The following CREB5 variants were observed in gnomAD, a reference collection of about 807,000 sequenced individuals.
CREB5 encodes cAMP responsive element binding protein 5.
CREB5 carries 19 observed loss-of-function variants against 57.1 expected under a neutral mutation model. That is an observed-to-expected ratio of 0.33 (90% confidence interval 0.23 to 0.49). The LOEUF (loss-of-function observed/expected upper bound fraction) is 0.49. CREB5 is among the 20% of genes least tolerant of loss of function. CREB5 has a pLI of 0.99. For missense variants in CREB5, 579 were observed against 671.6 expected, an observed-to-expected ratio of 0.86 and a Z score of 1.52; for synonymous variants, 238 against 238.3, an observed-to-expected ratio of 1.00 and a Z score of 0.01.
intron 1 of CREB5, among the ~76,000 whole-genome samples, chr7:28,404,117 T>C (rs960944360): frequency 2.6e-5 from 4 of 152,228 alleles, no homozygotes; most frequent in Admixed American, 2.6e-4. Context: ...ATTTCACTTC[T>C]TGATGTGCAC....
intron 5 of CREB5, among the ~76,000 whole-genome samples, chr7:28,686,972 G>T (rs1252789387): frequency 6.6e-6 from 1 of 151,846 alleles, no homozygotes; most frequent in Non-Finnish European, 1.5e-5. Context: ...ATGGTGTGGT[G>T]GTTGGTTGGG....
At chr7:28,558,338 T>A (rs988632980) in intron 4 of CREB5, among the ~76,000 whole-genome samples, 1 of 152,232 alleles carries the variant, frequency 6.6e-6, no homozygotes, top group African/African-American at 2.4e-5. Flanking sequence ...GAATTAACAC[T>A]GATCATTAGA....
chr7:28,481,302 G>A (rs969081262), intron 1 of CREB5, among the ~76,000 whole-genome samples: 1 of 152,198 alleles, frequency 6.6e-6, no homozygotes, highest in African/African-American at 2.4e-5. Context: ...AGGATTCTGA[G>A]CTTTTGGGAT....
At chr7:28,766,653 A>G (rs951301339) in intron 7 of CREB5, among the ~76,000 whole-genome samples, 1 of 152,214 alleles carries the variant, frequency 6.6e-6, no homozygotes, top group Non-Finnish European at 1.5e-5. Flanking sequence ...ATGTCGACCC[A>G]GATTGAAGAC....
chr7:28,811,958 T>C lies in CREB5; in HGVS notation c.1254+2544T>C, dbSNP rs549147566. ...GCAAACATGTAGGTTTTCTCAATCT[T>C]GGCCCTATTGACTTCCGGGCTTGAT... On this transcript the variant is annotated intron_variant, in intron 9 of 10. Coordinates refer to ENST00000357727, the MANE Select transcript of CREB5 (RefSeq NM_182898.4). Among the ~76,000 whole-genome samples the C allele has an allele frequency of 4.5e-4, 69 of 152,374 alleles. 1 individual carries two copies. In the South Asian group the frequency reaches 0.014, roughly 30 times the overall value.
Position 28,307,567 on chromosome 7 carries a change from G to C in CREB5, c.-25+8126G>C, listed in dbSNP as rs545783228. ...CAGTCTAAGGTGTTTTACTATAGCA[G>C]CACAAATGGGCTTAGACAGTTGCCA... On this transcript the variant is annotated intron_variant, in intron 1 of 9. Transcript: ENST00000396299. Among the ~76,000 whole-genome samples the C allele has an allele frequency of 9.8e-5, 15 of 152,320 alleles. No homozygotes were observed. In the East Asian group the frequency reaches 1.3e-3, roughly 14 times the overall value.
At chr7:28,668,425 T>C (rs988244106) in intron 5 of CREB5, among the ~76,000 whole-genome samples, 3 of 152,248 alleles carry the variant, frequency 2.0e-5, no homozygotes, top group African/African-American at 7.2e-5. Context: ...ATTACTTTTA[T>C]TATATGTTTG....
At chr7:28,576,762 T>G (rs1325262997) in intron 5 of CREB5, among the ~76,000 whole-genome samples, 2 of 152,242 alleles carry the variant, frequency 1.3e-5, no homozygotes, top group Non-Finnish European at 2.9e-5. Context: ...CAGTTGGCTT[T>G]GCCTGTGAGC....
chr7:28,719,539 T>G (rs1260241581), intron 6 of CREB5, among the ~76,000 whole-genome samples: 4 of 152,194 alleles, frequency 2.6e-5, no homozygotes. Context: ...GCCCACTCTC[T>G]TAACCACTAT....
intron 1 of CREB5, among the ~76,000 whole-genome samples, chr7:28,476,157 C>T (rs73077705): frequency 0.11 from 17,067 of 152,126 alleles, 1,322 homozygotes; most frequent in East Asian, 0.43. Flanking sequence ...AGGTCCTTCT[C>T]GGGATCATAT....
intron 4 of CREB5, among the ~76,000 whole-genome samples, chr7:28,531,832 C>T (rs750076506): frequency 2.6e-5 from 4 of 151,970 alleles, no homozygotes; most frequent in East Asian, 1.9e-4. Flanking sequence ...AGATCGAGAC[C>T]ATCCTGGCTA....
chr7:28,621,161 C>A (rs1469123547), intron 5 of CREB5, among the ~76,000 whole-genome samples: 2 of 146,446 alleles, frequency 1.4e-5, no homozygotes, highest in Middle Eastern at 3.5e-3. Context: ...AAGGTCCAAT[C>A]TAGTCTTGGC....
intron 5 of CREB5, among the ~76,000 whole-genome samples, chr7:28,609,751 C>T (rs1478192155): frequency 2.6e-5 from 4 of 152,202 alleles, no homozygotes; most frequent in Admixed American, 1.3e-4. Flanking sequence ...AGGTCGTGTA[C>T]TTGTCTGCTG....
intron 7 of CREB5, among the ~76,000 whole-genome samples, chr7:28,791,215 AT>A (rs1373092597): frequency 6.6e-6 from 1 of 152,156 alleles, no homozygotes; most frequent in African/African-American, 2.4e-5. Context: ...TCAATCTTGT[AT>A]TCACTTCTCT....
intron 4 of CREB5, among the ~76,000 whole-genome samples, chr7:28,556,716 C>G (rs188321226): frequency 6.6e-6 from 1 of 152,252 alleles, no homozygotes; most frequent in African/African-American, 2.4e-5. Context: ...TGACTCTGTT[C>G]TTGCCCTGAA....
At chr7:28,621,504 G>GGT (rs1410316282) in intron 5 of CREB5, among the ~76,000 whole-genome samples, 1 of 152,104 alleles carries the variant, frequency 6.6e-6, no homozygotes, top group African/African-American at 2.4e-5. Context: ...TAAATTCAGT[G>GGT]GTGTCACCTT....
At chr7:28,669,933 G>A (rs1799963868) in intron 5 of CREB5, among the ~76,000 whole-genome samples, 1 of 152,154 alleles carries the variant, frequency 6.6e-6, no homozygotes, top group South Asian at 2.1e-4. Context: ...CGCTACCTTG[G>A]GCTTCTCTTC....
chr7:28,561,017 CGTGTGTGCGTGTGTGTGT>C lies in CREB5; in HGVS notation c.292-9340_292-9323del, dbSNP rs1562798598. ...GTGCCTGCGTGTGCGTGTGTGTGTG[CGTGTGTGCGTGTGTGTGT>C]GTGTGTGTGAAGGTATTTTTCAGAT... On this transcript the variant is annotated intron_variant, in intron 4 of 10. Coordinates refer to ENST00000357727, the MANE Select transcript of CREB5 (RefSeq NM_182898.4). 3.3e-4 allele frequency among the ~76,000 whole-genome samples: 10 copies of C among 30,468 alleles called. 1 individual carries two copies. Among genetic ancestry groups the C allele is most frequent in the South Asian group, 2.4e-3 (2 of 838 alleles). 20.0% of individuals were successfully genotyped at this position (30,468 alleles called of 152,430 possible). A position where few individuals can be genotyped will look rare whatever the true frequency, so the allele number is the denominator to read the frequency against.
rs970465349 is a variant in CREB5, at chr7:28,643,754, G to T, written c.464+73217G>T. ...AATAGTTCACGGGTTTGGGAGGTGG[G>T]GGGGGGCGGAAGAAAAAAAAAAAAC... On this transcript the variant is annotated intron_variant, in intron 5 of 10. Coordinates refer to ENST00000357727, the MANE Select transcript of CREB5 (RefSeq NM_182898.4). Among the ~76,000 whole-genome samples the T allele has an allele frequency of 7.3e-3, 665 of 91,608 alleles. 8 individuals carry two copies. The highest frequency in any genetic ancestry group is 0.028 in the African/African-American group (621 of 21,956). 60.1% of individuals were successfully genotyped at this position (91,608 alleles called of 152,430 possible).
Sources: allele counts gnomAD v4.1 joint callset (sites outside exome capture counted in the v4.1 genomes callset), GRCh38; gene constraint gnomAD v4.1.1; transcripts MANE v1.5; gene names NCBI Gene and HGNC (gene_info 2026-07-23, HGNC 2026-07-21).